FRMPD3: variants seen among roughly 807,000 people sequenced by gnomAD.
FRMPD3 encodes FERM and PDZ domain-containing protein 3.
FRMPD3 carries 42 observed loss-of-function variants against 97.9 expected under a neutral mutation model. The observed-to-expected ratio is 0.43, with a 90% confidence interval of 0.34 to 0.55. The LOEUF (loss-of-function observed/expected upper bound fraction) is 0.55, where lower values mean the gene tolerates loss of function less well. Among genes scored for constraint, FRMPD3 ranks in the 20% least tolerant of loss-of-function variants. FRMPD3 has a pLI of 0.03. For missense variants in FRMPD3, 1,303 were observed against 1,457.7 expected, an observed-to-expected ratio of 0.89 and a Z score of 1.73; for synonymous variants, 577 against 581.1, an observed-to-expected ratio of 0.99 and a Z score of 0.10.
In FRMPD3 at chrX:107,502,953, C is replaced by G. The variant is rs150013943; in HGVS notation, c.-7-23629C>G. 4.1e-3 allele frequency among the ~76,000 whole-genome samples: 461 copies of G among 111,253 alleles called. 3 individuals are homozygous for G. Among genetic ancestry groups the G allele is most frequent in the African/African-American group, 0.014 (440 of 30,543 alleles). On this transcript the variant is annotated intron_variant, in intron 1 of 14. Transcript: ENST00000683843. Reference sequence around the variant, plus strand: ...TGAAGCAGCAGTTGTTTACCCATCACTAAGTAAGGAATGTAAGATTTGAAC... The same window carrying G: ...TGAAGCAGCAGTTGTTTACCCATCAGTAAGTAAGGAATGTAAGATTTGAAC...
At chrX:107,482,954 T>C (rs1200947492) in intron 1 of FRMPD3, among the ~76,000 whole-genome samples, 1 of 112,172 alleles carries the variant, frequency 8.9e-6, no homozygotes, top group African/African-American at 3.2e-5. Context: ...AAGGCATCAC[T>C]ACCTCAACCC....
At chrX:107,596,866 A>G (rs1924199613) in intron 13 of FRMPD3, among the ~76,000 whole-genome samples, 1 of 112,248 alleles carries the variant, frequency 8.9e-6, no homozygotes, top group Non-Finnish European at 1.9e-5. Context: ...TCCTTCTGCT[A>G]GAAGAGATTC....
chrX:107,506,769 G>GCTAGTT (rs1922039066), intron 1 of FRMPD3, among the ~76,000 whole-genome samples: 2 of 112,166 alleles, frequency 1.8e-5, no homozygotes, highest in African/African-American at 6.5e-5. Flanking sequence ...CAGCTCTCTC[G>GCTAGTT]CTAGTTCGCC....
chrX:107,478,544 C>G (rs1463730596), intron 1 of FRMPD3, among the ~76,000 whole-genome samples: 2 of 111,860 alleles, frequency 1.8e-5, no homozygotes, highest in Non-Finnish European at 3.8e-5. Context: ...ACCGTGTGTT[C>G]TCTCTTGCAT....
At chrX:107,493,233 G>A (rs1395585796) in intron 1 of FRMPD3, among the ~76,000 whole-genome samples, 3 of 108,411 alleles carry the variant, frequency 2.8e-5, no homozygotes, top group African/African-American at 1.0e-4. Context: ...AGAAATTGGG[G>A]AACTGATTCA....
At chrX:107,566,677 G>A (rs778260979) in intron 12 of FRMPD3, among the ~76,000 whole-genome samples, 1 of 113,349 alleles carries the variant, frequency 8.8e-6, no homozygotes, top group African/African-American at 3.2e-5. Context: ...AGATGCCTGG[G>A]TCCTACTCTC....
rs374643569 is a variant in FRMPD3, at chrX:107,586,865, C to T, written c.1441+10406C>T. Among the ~76,000 whole-genome samples the T allele has an allele frequency of 8.0e-5, 9 of 112,040 alleles. No homozygotes were observed. The East Asian group carries it at 1.7e-3, about 21-fold the overall frequency. On this transcript the variant is annotated intron_variant, in intron 13 of 14. Transcript: ENST00000683843. ...GCATTTGCTGAGGAGTGTTTTACTT[C>T]GAATTATGTGGTTGATTTTAGAATA...
At chrX:107,562,084 T>C (rs979741530) in intron 10 of FRMPD3, among the ~76,000 whole-genome samples, 2 of 112,184 alleles carry the variant, frequency 1.8e-5, no homozygotes, top group African/African-American at 6.5e-5. Flanking sequence ...AGATAAGAGT[T>C]TGTCTAGATT....
chrX:107,603,403 C>G lies in FRMPD3; in HGVS notation c.*30C>G. On this transcript the variant is annotated 3_prime_UTR_variant, in exon 15 of 15. Coordinates refer to ENST00000683843, the MANE Select transcript of FRMPD3 (RefSeq NM_001388459.1). Reference sequence around the variant, plus strand: ...TCTGCCCACACCTGTCCCCCTTCCCCAACCATGGCCCCAGGTTTGAGCTTT... The same window carrying G: ...TCTGCCCACACCTGTCCCCCTTCCCGAACCATGGCCCCAGGTTTGAGCTTT... 8.9e-7 allele frequency: 1 copy of G among 1,123,698 alleles called. No individual in the cohort carries two copies. Among genetic ancestry groups the G allele is most frequent in the Middle Eastern group, 2.4e-4 (1 of 4,092 alleles). The allele number at this position is 1,123,698 out of a possible 1,213,427, so 92.6% of individuals were successfully genotyped here.
chrX:107,497,620 G>A (rs1160712430), intron 1 of FRMPD3, among the ~76,000 whole-genome samples: 1 of 112,125 alleles, frequency 8.9e-6, no homozygotes, highest in African/African-American at 3.2e-5. Flanking sequence ...AAATATCCTG[G>A]ATATTGGATT....
At position 107,533,615 on chromosome X, in the gene FRMPD3, G is replaced by C. The variant is rs752272888; in HGVS notation, c.297+65G>C. On this transcript the variant is annotated intron_variant, in intron 4 of 14. Transcript: ENST00000683843. ...GAGAAGAGATGACATTTCCATATTGGAAAGCAACAGTGATGGGGTTGGGGG... is the reference window on the plus strand; with the variant it reads ...GAGAAGAGATGACATTTCCATATTGCAAAGCAACAGTGATGGGGTTGGGGG... 25 of 1,019,063 alleles carry C rather than the reference G, an allele frequency of 2.5e-5. No individual in the cohort carries two copies. In the African/African-American group the frequency reaches 4.3e-4, roughly 18 times the overall value. The allele number at this position is 1,019,063 out of a possible 1,213,427, so 84.0% of individuals were successfully genotyped here. A position where few individuals can be genotyped will look rare whatever the true frequency, so the allele number is the denominator to read the frequency against.
intron 1 of FRMPD3, among the ~76,000 whole-genome samples, chrX:107,491,363 C>T (rs776785898): frequency 3.6e-5 from 4 of 112,163 alleles, no homozygotes; most frequent in African/African-American, 1.3e-4. Context: ...GGTCCTAAAC[C>T]TCTTCCAGGG....
At position 107,600,316 on chromosome X, in the gene FRMPD3, G is replaced by A. The variant is rs1379162405; in HGVS notation, c.2277G>A (p.Leu759=). Residue 759 remains leucine, a synonymous_variant, in exon 15 of 15, where the codon CTG becomes CTA. Transcript: ENST00000683843. The part of the protein sequence containing the change: ...PPPQTAGLIV[L]ATITPESSLD... ...CTGTTCCTCCAGGTCTGATTGTGCT[G>A]GCCACAATCACTCCTGAATCATCGC... is the stretch of plus-strand genomic sequence containing the variant. 1.7e-6 allele frequency: 2 copies of A among 1,203,462 alleles called. No homozygotes were observed. Among genetic ancestry groups the A allele is most frequent in the Non-Finnish European group, 2.2e-6 (2 of 890,363 alleles).
chrX:107,543,449 T>G (rs1479068139), intron 4 of FRMPD3, among the ~76,000 whole-genome samples: 2 of 111,112 alleles, frequency 1.8e-5, no homozygotes, highest in Non-Finnish European at 3.8e-5. Context: ...TGGCTGTCTC[T>G]CCCTCACTTC....
intron 1 of FRMPD3, among the ~76,000 whole-genome samples, chrX:107,464,359 T>A (rs184887853): frequency 0.024 from 2,648 of 110,321 alleles, 75 homozygotes; most frequent in African/African-American, 0.084. Flanking sequence ...TTATTTATTT[T>A]GTTTTTTTTT....
At position 107,526,833 on chromosome X, in the gene FRMPD3, C is replaced by G; in HGVS notation, c.148+97C>G. 3 of 910,682 alleles carry G rather than the reference C, an allele frequency of 3.3e-6. No individual in the cohort carries two copies. In the Admixed American group the frequency reaches 9.5e-5, roughly 29 times the overall value. 75.1% of individuals were successfully genotyped at this position (910,682 alleles called of 1,213,427 possible). On this transcript the variant is annotated intron_variant, in intron 2 of 14. Transcript: ENST00000683843. Reference sequence around the variant, plus strand: ...CAGAGCTTCCAAGCATTCTAACTGTCTTGCTGAAGAATTCATGAAGACTGG... The same window carrying G: ...CAGAGCTTCCAAGCATTCTAACTGTGTTGCTGAAGAATTCATGAAGACTGG...
At chrX:107,531,007 C>A (rs761558206) in intron 3 of FRMPD3, among the ~76,000 whole-genome samples, 1 of 110,774 alleles carries the variant, frequency 9.0e-6, no homozygotes, top group African/African-American at 3.3e-5. Context: ...TAAATGCCCT[C>A]CGCAGATGGG....
chrX:107,568,889 T>C (rs1055903553), intron 12 of FRMPD3, among the ~76,000 whole-genome samples: 1 of 108,895 alleles, frequency 9.2e-6, no homozygotes, highest in Non-Finnish European at 1.9e-5. Context: ...TGAGACCCTG[T>C]TCTCCACAAA....
chrX:107,516,144 C>A (rs1414674356), intron 1 of FRMPD3, among the ~76,000 whole-genome samples: 1 of 106,620 alleles, frequency 9.4e-6, no homozygotes, highest in African/African-American at 3.4e-5. Flanking sequence ...TTTGTCCTTG[C>A]GATAGTTTGC....
Sources: gnomAD v4.1 joint callset for allele counts (sites outside exome capture counted in the v4.1 genomes callset) on GRCh38, gnomAD v4.1.1 for gene constraint, MANE v1.5 for transcripts, NCBI Gene and HGNC (gene_info 2026-07-23, HGNC 2026-07-21) for gene names.